KCNQ3: variants seen among roughly 807,000 people sequenced by gnomAD.
KCNQ3 encodes potassium voltage-gated channel subfamily KQT member 3.
KCNQ3 carries 30 observed loss-of-function variants against 92.5 expected under a neutral mutation model. That is an observed-to-expected ratio of 0.32 (90% confidence interval 0.24 to 0.44). KCNQ3 has a LOEUF of 0.44. Ranked by LOEUF, KCNQ3 falls within the 20% of genes least tolerant of loss-of-function variation. The pLI, the probability that KCNQ3 is intolerant of heterozygous loss-of-function variation, is 1.00. For synonymous variants in KCNQ3, 450 were observed against 468.8 expected, an observed-to-expected ratio of 0.96 and a Z score of 0.52; for missense variants, 913 against 1,140.3, an observed-to-expected ratio of 0.80 and a Z score of 2.87.
chr8:132,480,089 G>A, intron 1 of KCNQ3, 58 bp downstream of exon 1: 1 of 1,535,662 alleles, frequency 6.5e-7, no homozygotes, highest in Non-Finnish European at 8.9e-7. Context: ...CTCCAGCCCC[G>A]ACCCCAAGTC....
At chr8:132,434,798 G>A (rs1821349190) in intron 1 of KCNQ3, among the ~76,000 whole-genome samples, 1 of 152,162 alleles carries the variant, frequency 6.6e-6, no homozygotes, top group Non-Finnish European at 1.5e-5. Flanking sequence ...GGCAAATGCT[G>A]AAAGAGGTAA....
intron 1 of KCNQ3, among the ~76,000 whole-genome samples, chr8:132,475,445 G>A (rs1471728387): frequency 6.6e-6 from 1 of 152,216 alleles, no homozygotes. Flanking sequence ...TCCAGGCTGA[G>A]GTGGTCTCAG....
intron 1 of KCNQ3, among the ~76,000 whole-genome samples, chr8:132,294,233 C>A (rs914124710): frequency 7.9e-5 from 12 of 152,108 alleles, no homozygotes; most frequent in African/African-American, 2.9e-4. Flanking sequence ...CATCTCCTGA[C>A]CTCGTGATCC....
intron 1 of KCNQ3, among the ~76,000 whole-genome samples, chr8:132,230,056 T>G (rs538458101): frequency 6.6e-6 from 1 of 152,276 alleles, no homozygotes; most frequent in Non-Finnish European, 1.5e-5. Flanking sequence ...GAAGCCAGCT[T>G]TGTCAATAAC....
chr8:132,217,024 A>ACCTAAT (rs1814053974), intron 1 of KCNQ3, among the ~76,000 whole-genome samples: 3 of 152,162 alleles, frequency 2.0e-5, no homozygotes, highest in Admixed American at 2.0e-4. Flanking sequence ...ACTCATCAGC[A>ACCTAAT]CCTAATGATT....
chr8:132,228,676 G>T (rs1814520982), intron 1 of KCNQ3, among the ~76,000 whole-genome samples: 1 of 151,888 alleles, frequency 6.6e-6, no homozygotes, highest in Non-Finnish European at 1.5e-5. Context: ...ATGTTTTTGG[G>T]GGAGGGTGCT....
Position 132,278,546 on chromosome 8 carries a change from C to G in KCNQ3, c.387-92365G>C, listed in dbSNP as rs1370787454. 2.0e-5 allele frequency among the ~76,000 whole-genome samples: 3 copies of G among 152,136 alleles called. No homozygotes were observed. In the South Asian group the frequency reaches 6.2e-4, roughly 31 times the overall value. The stretch of plus-strand genomic sequence containing the variant: ...TGAGTCAGACCTTCTGAACACAGTT[C>G]GATGGGACTGAAAGTCCATAAGTAG... On this transcript the variant is annotated intron_variant, in intron 1 of 14. Coordinates refer to ENST00000388996, the MANE Select transcript of KCNQ3 (RefSeq NM_004519.4).
At chr8:132,282,803 G>A (rs1241252770) in intron 1 of KCNQ3, among the ~76,000 whole-genome samples, 1 of 152,308 alleles carries the variant, frequency 6.6e-6, no homozygotes, top group East Asian at 1.9e-4. Flanking sequence ...TGCTTAGCAG[G>A]GTTGCCCTCC....
chr8:132,478,442 A>T (rs185111735), intron 1 of KCNQ3, among the ~76,000 whole-genome samples: 15 of 152,320 alleles, frequency 9.8e-5, no homozygotes, highest in Admixed American at 6.5e-4. Context: ...CACTCAACGA[A>T]CTTCTTGTGC....
At chr8:132,343,627 C>T (rs953873000) in intron 1 of KCNQ3, among the ~76,000 whole-genome samples, 2 of 152,258 alleles carry the variant, frequency 1.3e-5, no homozygotes, top group Non-Finnish European at 2.9e-5. Flanking sequence ...AGGAGGGCCA[C>T]CACCAAGGTG....
At chr8:132,224,028 G>A in intron 1 of KCNQ3, among the ~76,000 whole-genome samples, 2 of 144,802 alleles carry the variant, frequency 1.4e-5, no homozygotes, top group South Asian at 4.4e-4. Flanking sequence ...CAATCTTCCT[G>A]CCTCAGCCTC....
intron 1 of KCNQ3, among the ~76,000 whole-genome samples, chr8:132,220,512 G>T (rs1814190378): frequency 6.6e-6 from 1 of 152,156 alleles, no homozygotes; most frequent in African/African-American, 2.4e-5. Context: ...ACTTTGGGAG[G>T]CCGAGGCAGG....
intron 4 of KCNQ3, among the ~76,000 whole-genome samples, chr8:132,177,755 C>T (rs377277930): frequency 7.7e-4 from 118 of 152,278 alleles, no homozygotes; most frequent in African/African-American, 2.8e-3. Flanking sequence ...AGCCATAGTA[C>T]CCGGCCCAGA....
rs147008742 is a variant in KCNQ3 at position 132,382,791 on chromosome 8, G to A, written c.386+97356C>T. Among the ~76,000 whole-genome samples the A allele has an allele frequency of 4.7e-3, 718 of 152,232 alleles. 5 individuals are homozygous for A. Among genetic ancestry groups the A allele is most frequent in the African/African-American group, 0.015 (634 of 41,522 alleles). ...GTCACGGGCATACCATCCTTGGTGG[G>A]TAATAATATGGAAGAGCCAGGTAAG... On this transcript the variant is annotated intron_variant, in intron 1 of 14. Coordinates refer to ENST00000388996, the MANE Select transcript of KCNQ3 (RefSeq NM_004519.4).
intron 1 of KCNQ3, among the ~76,000 whole-genome samples, chr8:132,293,680 G>A (rs1816923529): frequency 6.6e-6 from 1 of 152,178 alleles, no homozygotes; most frequent in Non-Finnish European, 1.5e-5. Context: ...TTCAGACTGA[G>A]ATGCAGGGGA....
chr8:132,137,950 A>G lies in KCNQ3; in HGVS notation c.1635T>C (p.Asp545=), dbSNP rs752625396. 3 of 1,613,844 alleles carry G rather than the reference A, an allele frequency of 1.9e-6. No individual in the cohort carries two copies. In the South Asian group the frequency reaches 3.3e-5, roughly 18 times the overall value. ...GCCCGGCAGAATACTGCTCAATCAC[A>G]TCCTTCACATCGTAAGGCCTCAAAG... is the stretch of plus-strand genomic sequence containing the variant. ...KETLRPYDVK[D]VIEQYSAGHL... is the part of the protein sequence containing the mutation. The change falls in exon 12 of 15, where the codon GAT becomes GAC. Residue 545 remains aspartate (D), a synonymous_variant. Transcript: ENST00000388996.
chr8:132,249,518 T>C (rs1035988771), intron 1 of KCNQ3, among the ~76,000 whole-genome samples: 1 of 151,918 alleles, frequency 6.6e-6, no homozygotes, highest in Non-Finnish European at 1.5e-5. Context: ...GAGTGCTGAC[T>C]GGTGTATTTA....
chr8:132,237,098 T>C (rs1814840257), intron 1 of KCNQ3, among the ~76,000 whole-genome samples: 1 of 152,200 alleles, frequency 6.6e-6, no homozygotes, highest in Non-Finnish European at 1.5e-5. Context: ...TATCCCCAGA[T>C]TTTTGACCTA....
chr8:132,478,079 A>G (rs1319338254), intron 1 of KCNQ3, among the ~76,000 whole-genome samples: 2 of 152,256 alleles, frequency 1.3e-5, no homozygotes, highest in Non-Finnish European at 2.9e-5. Context: ...TTGCATATAT[A>G]TGCATTTGCA....
Sources: gnomAD v4.1 joint callset for allele counts (sites outside exome capture counted in the v4.1 genomes callset) on GRCh38, gnomAD v4.1.1 for gene constraint, MANE v1.5 for transcripts, NCBI Gene and HGNC (gene_info 2026-07-23, HGNC 2026-07-21) for gene names.